The following HDAC10 variants were observed in gnomAD, a reference collection of about 807,000 sequenced individuals.
HDAC10 encodes the protein polyamine deacetylase HDAC10.
HDAC10 carries 90 observed loss-of-function variants against 82.3 expected under a neutral mutation model. The ratio of observed to expected loss-of-function variants is 1.09; its 90% CI spans 0.92 to 1.30. The LOEUF (loss-of-function observed/expected upper bound fraction) is 1.30, where lower values mean the gene tolerates loss of function less well. HDAC10 is among the 50% of genes most tolerant of loss of function. HDAC10 has a pLI of 0.00. For synonymous variants in HDAC10, 456 were observed against 391.7 expected, an observed-to-expected ratio of 1.16 and a Z score of -1.94; for missense variants, 934 against 876.3, an observed-to-expected ratio of 1.07 and a Z score of -0.83.
chr22:50,248,582 C>A lies in HDAC10; in HGVS notation c.906+80G>T. On this transcript the variant is annotated intron_variant, in intron 10 of 19. Transcript: ENST00000216271. This position sits in a 1 kb window ranked among gnomAD's most constrained non-coding sequence, Gnocchi z 5.4. ...CGGGCAGGACGCCCCTCCCAAATAC[C>A]CCGTGGGCACCTGGCTCCCATGCTC... 6.8e-7 allele frequency: 1 copy of A among 1,470,686 alleles called. No individual in the cohort carries two copies. The highest frequency in any genetic ancestry group is 1.4e-5 in the African/African-American group (1 of 71,788). 91.1% of individuals were successfully genotyped at this position (1,470,686 alleles called of 1,614,324 possible).
rs1054810004 is a variant in HDAC10, at chr22:50,246,687, G to A, written c.1563C>T (p.Ala521=). The A allele has an allele frequency of 2.0e-5, 32 of 1,611,576 alleles. No homozygotes were observed. The highest frequency in any genetic ancestry group is 2.6e-5 in the Non-Finnish European group (31 of 1,179,856). The change falls in exon 16 of 20, where the codon GCC becomes GCT. Residue 521 remains alanine (A), a synonymous_variant. Transcript: ENST00000216271. ...LGQLDRPPDL[A]HDGRSLWLNI... Reference sequence around the variant, plus strand: ...AGACCTGAGAGTCCTACCCGTCATGGGCGAGGTCTGGAGGCCGGTCCAGCT... The same window carrying A: ...AGACCTGAGAGTCCTACCCGTCATGAGCGAGGTCTGGAGGCCGGTCCAGCT...
chr22:50,246,246 CA>C, intron 17 of HDAC10, 51 bp downstream of exon 17: 12 of 1,551,910 alleles, frequency 7.7e-6, no homozygotes, highest in Non-Finnish European at 1.1e-5. Context: ...AGCAGCTGTA[CA>C]CATCCATGGG....
At position 50,248,391 on chromosome 22, in the gene HDAC10, A is replaced by C; in HGVS notation, c.988T>G (p.Ser330Ala). Residue 330 changes from serine to alanine, a missense_variant, in exon 11 of 20, where the codon TCA becomes GCA. Coordinates refer to ENST00000216271, the MANE Select transcript of HDAC10 (RefSeq NM_032019.6). This position sits in a 1 kb window ranked among gnomAD's most constrained non-coding sequence, Gnocchi z 5.4. ...CTCTGACATGGCGCCATTGGCCCTGACAGGGGTGGGGCCGGGTCACCCAGC... is the reference window on the plus strand; with the variant it reads ...CTCTGACATGGCGCCATTGGCCCTGCCAGGGGTGGGGCCGGGTCACCCAGC... The part of the protein sequence containing the change: ...TLLGDPAPPL[S>A]GPMAPCQSAL... The C allele has an allele frequency of 6.2e-7, 1 of 1,609,888 alleles. No homozygotes were observed. The highest frequency in any genetic ancestry group is 2.2e-5 in the East Asian group (1 of 44,880).
At chr22:50,246,632 C>T (rs1601619790) in intron 16 of HDAC10, 47 bp downstream of exon 16, 5 of 1,565,926 alleles carry the variant, frequency 3.2e-6, no homozygotes, top group Non-Finnish European at 4.4e-6. Flanking sequence ...CCATCACATG[C>T]CCGTCCACAT....
rs2064996612 is a variant in HDAC10, at chr22:50,247,950, G to A, written c.1277C>T (p.Pro426Leu). 1.2e-6 allele frequency: 2 copies of A among 1,612,866 alleles called. No homozygotes were observed. The highest frequency in any genetic ancestry group is 8.5e-7 in the Non-Finnish European group (1 of 1,179,994). Residue 426 changes from proline (P) to leucine (L), a missense_variant, in exon 13 of 20, where the codon CCC becomes CTC. Physicochemically the swap from Pro to Leu is moderately conservative, Grantham distance 98. Coordinates refer to ENST00000216271, the MANE Select transcript of HDAC10 (RefSeq NM_032019.6). ...LTTPDITLVL[P>L]PDVIQQEASA... ...CGCTTCCTGTTGGATGACGTCAGGG[G>A]GCAGAACCAATGTGATATCCGGCGT...
intron 3 of HDAC10, 62 bp from the exon 4 acceptor site, chr22:50,250,222 C>G (rs2065053958): frequency 2.0e-6 from 3 of 1,477,696 alleles, no homozygotes; most frequent in Non-Finnish European, 2.8e-6. Context: ...CAGGCCATAC[C>G]CACACTTGTG....
chr22:50,249,207 CAGGGGAGGGGCCCGGGGGAGGGGG>C lies in HDAC10; in HGVS notation c.691-63_691-40del. 3.3e-6 allele frequency: 2 copies of C among 602,328 alleles called. No individual in the cohort carries two copies. The highest frequency in any genetic ancestry group is 2.2e-5 in the South Asian group (1 of 44,698). The allele number at this position is 602,328 out of a possible 1,614,324, so 37.3% of individuals were successfully genotyped here. ...CCAGGCTACATCCTGAACTGTGGGG[CAGGGGAGGGGCCCGGGGGAGGGGG>C]TGGGTGGGGACCTGGGGCTTGAGGG... is the stretch of plus-strand genomic sequence containing the variant. On this transcript the variant is annotated intron_variant, in intron 7 of 19. Coordinates refer to ENST00000216271, the MANE Select transcript of HDAC10 (RefSeq NM_032019.6). The surrounding 1 kb of genome is among the most constrained non-coding windows in gnomAD (Gnocchi z 4.4).
intron 14 of HDAC10, chr22:50,247,386 G>GCCC: frequency 2.9e-6 from 1 of 340,492 alleles, no homozygotes; most frequent in East Asian, 4.9e-5. Context: ...TCCCACCTTG[G>GCCC]CCCCCCAAAC....
intron 17 of HDAC10, 57 bp downstream of exon 17, chr22:50,246,241 C>A: frequency 1.3e-6 from 2 of 1,543,040 alleles, no homozygotes; most frequent in East Asian, 2.2e-5. Context: ...CAAACAGCAG[C>A]TGTACACATC....
chr22:50,245,681 C>T lies in HDAC10; in HGVS notation c.1980G>A (p.Met660Ile). 1 of 1,613,112 alleles carries T rather than the reference C, an allele frequency of 6.2e-7. No homozygotes were observed. The highest frequency in any genetic ancestry group is 8.5e-7 in the Non-Finnish European group (1 of 1,179,876). Reference sequence around the variant, plus strand: ...CCTCCGCAGTCAGCCTCACCTGCAACATCTTCCACTGAGGCTCCAGCTGCC... The same window carrying T: ...CCTCCGCAGTCAGCCTCACCTGCAATATCTTCCACTGAGGCTCCAGCTGCC... ...LRGQLEPQWK[M>I]LQCHPHLVA Residue 660 changes from methionine to isoleucine, a missense_variant, in exon 19 of 20, where the codon ATG becomes ATA. Physicochemically the swap from Met to Ile is conservative, Grantham distance 10. Transcript: ENST00000216271.
At position 50,249,659 on chromosome 22, in the gene HDAC10, T is replaced by TG; in HGVS notation, c.538dup (p.Gln180ProfsTer5). 6.2e-7 allele frequency: 1 copy of TG among 1,612,900 alleles called. No homozygotes were observed. The highest frequency in any genetic ancestry group is 8.5e-7 in the Non-Finnish European group (1 of 1,179,980). ...CCTGGGGTCATCCTCAAAGAGATAC[T>TG]GGATCCCCTGGCCATGGTGCACATC... is the stretch of plus-strand genomic sequence containing the variant. On this transcript the variant is annotated frameshift_variant, in exon 6 of 20. Transcript: ENST00000216271. LOFTEE classifies it high-confidence loss of function. The surrounding 1 kb of genome is among the most constrained non-coding windows in gnomAD (Gnocchi z 4.4).
chr22:50,250,206 C>G, intron 3 of HDAC10, 46 bp from the exon 4 acceptor site: 1 of 1,522,948 alleles, frequency 6.6e-7, no homozygotes, highest in Non-Finnish European at 9.0e-7. Context: ...TCCCTGCTGC[C>G]CTTTGCAGGC....
In HDAC10 at chr22:50,247,049, G is replaced by A. The variant is rs146910186; in HGVS notation, c.1423-83C>T. On this transcript the variant is annotated intron_variant, in intron 14 of 19. Transcript: ENST00000216271. ...ACAGATCCACAGTTCCCTTCATTCG[G>A]TGTGTCTCTGCGGCTACTGTCAGCC... 1.2e-3 allele frequency: 950 copies of A among 801,880 alleles called. 8 individuals carry two copies. The African/African-American group carries it at 0.014, about 12-fold the overall frequency. The allele number at this position is 801,880 out of a possible 1,614,324, so 49.7% of individuals were successfully genotyped here. A position where few individuals can be genotyped will look rare whatever the true frequency, so the allele number is the denominator to read the frequency against.
In HDAC10 at chr22:50,248,593, C is replaced by G. The variant is rs528749925; in HGVS notation, c.906+69G>C. 804 of 1,472,914 alleles carry G rather than the reference C, an allele frequency of 5.5e-4. 9 individuals are homozygous for G. In the African/African-American group the frequency reaches 9.4e-3, roughly 17 times the overall value. The allele number at this position is 1,472,914 out of a possible 1,614,324, so 91.2% of individuals were successfully genotyped here. A position where few individuals can be genotyped will look rare whatever the true frequency, so the allele number is the denominator to read the frequency against. On this transcript the variant is annotated intron_variant, in intron 10 of 19. Coordinates refer to ENST00000216271, the MANE Select transcript of HDAC10 (RefSeq NM_032019.6). The surrounding 1 kb of genome is among the most constrained non-coding windows in gnomAD (Gnocchi z 5.4). ...CCCCTCCCAAATACCCCGTGGGCAC[C>G]TGGCTCCCATGCTCCTGACCCCCAG...
chr22:50,249,169 CTGGCAGGACAT>C lies in HDAC10; in HGVS notation c.691-12_691-2del. ...CGTAGTCAGCGTTTCCCATCCCAACCTGGCAGGACATCCCAGGCTACATCCTGAACTGTGGG... is the reference window on the plus strand; with the variant it reads ...CGTAGTCAGCGTTTCCCATCCCAACCCCCAGGCTACATCCTGAACTGTGGG... On this transcript the variant is annotated splice_acceptor_variant and splice_polypyrimidine_tract_variant and intron_variant, in intron 7 of 19. Transcript: ENST00000216271. LOFTEE classifies it high-confidence loss of function. The surrounding 1 kb of genome is among the most constrained non-coding windows in gnomAD (Gnocchi z 4.4). 1.3e-6 allele frequency: 2 copies of C among 1,557,246 alleles called. No homozygotes were observed. Among genetic ancestry groups the C allele is most frequent in the Non-Finnish European group, 8.7e-7 (1 of 1,148,246 alleles).
chr22:50,248,987 C>G lies in HDAC10; in HGVS notation c.757-97G>C. The G allele has an allele frequency of 1.4e-6, 2 of 1,462,924 alleles. No individual in the cohort carries two copies. Among genetic ancestry groups the G allele is most frequent in the South Asian group, 2.4e-5 (2 of 83,566 alleles). The allele number at this position is 1,462,924 out of a possible 1,614,324, so 90.6% of individuals were successfully genotyped here. ...ATCCCATCCCCTCCTGAGCACCTTC[C>G]CCAGCCACACAGGAGTGGGACAGCT... On this transcript the variant is annotated intron_variant, in intron 8 of 19. Coordinates refer to ENST00000216271, the MANE Select transcript of HDAC10 (RefSeq NM_032019.6). The surrounding 1 kb of genome is among the most constrained non-coding windows in gnomAD (Gnocchi z 5.4).
intron 3 of HDAC10, 24 bp downstream of exon 3, chr22:50,250,403 G>T: frequency 6.2e-7 from 1 of 1,605,112 alleles, no homozygotes; most frequent in Non-Finnish European, 8.5e-7. Flanking sequence ...GTCTGCACAG[G>T]TGAGTGTGTC....
chr22:50,248,740 C>T lies in HDAC10; in HGVS notation c.828G>A (p.Gln276=). Reference sequence around the variant, plus strand: ...GGTGGGCGAAGCACTCTGGCGTGGCCTGCATTTGCCCCTGGAACCAGAGCC... The same window carrying T: ...GGTGGGCGAAGCACTCTGGCGTGGCTTGCATTTGCCCCTGGAACCAGAGCC... ...SAIGDPEGQM[Q]ATPECFAHLT... Residue 276 remains glutamine (Q), a synonymous_variant, in exon 10 of 20, where the codon CAG becomes CAA. Transcript: ENST00000216271. This position sits in a 1 kb window ranked among gnomAD's most constrained non-coding sequence, Gnocchi z 5.4. The T allele has an allele frequency of 1.3e-6, 2 of 1,580,050 alleles. No individual in the cohort carries two copies. Among genetic ancestry groups the T allele is most frequent in the Non-Finnish European group, 1.7e-6 (2 of 1,163,006 alleles).
rs1463805748 is a variant in HDAC10, at chr22:50,248,214, G to T, written c.1081+11C>A. The T allele has an allele frequency of 6.2e-7, 1 of 1,610,540 alleles. No homozygotes were observed. The highest frequency in any genetic ancestry group is 1.3e-5 in the African/African-American group (1 of 74,988). On this transcript the variant is annotated intron_variant, in intron 12 of 19. Transcript: ENST00000216271. This position sits in a 1 kb window ranked among gnomAD's most constrained non-coding sequence, Gnocchi z 5.4. ...GTGGGATCCTGCAGCCTAGCACCCG[G>T]CCACACTGACCTTGCTGCTGGAGGC...
Sources: gnomAD v4.1 joint callset for allele counts on GRCh38, gnomAD v4.1.1 for gene constraint, Gnocchi (gnomAD v3.1) non-coding constraint, MANE v1.5 for transcripts, NCBI Gene and HGNC (gene_info 2026-07-23, HGNC 2026-07-21) for gene names.